The following BCAR3 variants were observed in gnomAD, a reference collection of about 807,000 sequenced individuals.
BCAR3 encodes BCAR3 adaptor protein, NSP family member, also known as breast cancer anti-estrogen resistance protein 3.
In BCAR3, 37 loss-of-function variants were observed where a neutral mutation model predicts 80.1. That is an observed-to-expected ratio of 0.46 (90% CI 0.36 to 0.61). The LOEUF (loss-of-function observed/expected upper bound fraction) is 0.61, where lower values mean the gene tolerates loss of function less well. BCAR3 is among the 20% of genes least tolerant of loss of function. The pLI is 0.00. For synonymous variants in BCAR3, 389 were observed against 418.9 expected, an observed-to-expected ratio of 0.93 and a Z score of 0.87; for missense variants, 978 against 1,068.2, an observed-to-expected ratio of 0.92 and a Z score of 1.18.
intron 3 of BCAR3, among the ~76,000 whole-genome samples, chr1:93,691,199 G>A (rs1045122733): frequency 6.6e-6 from 1 of 152,192 alleles, no homozygotes; most frequent in Non-Finnish European, 1.5e-5. Context: ...CCCACTGCCT[G>A]AGCCAGTGTG....
chr1:93,732,363 C>T (rs1363801859), intron 2 of BCAR3, among the ~76,000 whole-genome samples: 1 of 152,090 alleles, frequency 6.6e-6, no homozygotes, highest in Non-Finnish European at 1.5e-5. Context: ...GCCTGTAATC[C>T]CAGCACTTTG....
intron 2 of BCAR3, among the ~76,000 whole-genome samples, chr1:93,806,855 T>C (rs942949970): frequency 2.6e-5 from 4 of 152,174 alleles, no homozygotes; most frequent in African/African-American, 9.6e-5. Context: ...TGGCGGCTCA[T>C]ACCTGTAATT....
At chr1:93,757,494 A>G (rs1651786768) in intron 2 of BCAR3, among the ~76,000 whole-genome samples, 1 of 152,216 alleles carries the variant, frequency 6.6e-6, no homozygotes, top group South Asian at 2.1e-4. Context: ...GAGTAAGATC[A>G]TTTTGCAATA....
At chr1:93,575,872 G>C (rs542087112) in intron 8 of BCAR3, 142 bp downstream of exon 8, 183 of 630,128 alleles carry the variant, frequency 2.9e-4, no homozygotes, top group Middle Eastern at 4.3e-4. Context: ...CTTCTGGGAA[G>C]AGTCGCTGTA....
At position 93,567,398 on chromosome 1, in the gene BCAR3, G is replaced by T; in HGVS notation, c.2180C>A (p.Thr727Asn). 1.2e-6 allele frequency: 2 copies of T among 1,614,144 alleles called. No homozygotes were observed. Among genetic ancestry groups the T allele is most frequent in the South Asian group, 1.1e-5 (1 of 91,080 alleles). The change falls in exon 11 of 12, where the codon ACC becomes AAC. Residue 727 changes from threonine (T) to asparagine (N), a missense_variant. Coordinates refer to ENST00000260502, the MANE Select transcript of BCAR3 (RefSeq NM_003567.4). ...CTGGTCGTTTTTTTCCCACATGTCG[G>T]TTCCTTCAAAAGTCACAGCCTGGCG... ...MERQAVTFEG[T>N]DMWEKNDQSC...
chr1:93,633,293 T>A (rs1675682229), intron 3 of BCAR3, among the ~76,000 whole-genome samples: 2 of 152,112 alleles, frequency 1.3e-5, no homozygotes, highest in African/African-American at 4.8e-5. Flanking sequence ...ACCATTTACA[T>A]CCTGTTAGAA....
intron 1 of BCAR3, chr1:93,681,251 G>A (rs1648746394): frequency 6.6e-6 from 1 of 152,186 alleles, no homozygotes; most frequent in Non-Finnish European, 1.5e-5. Context: ...ACGGGCAGGG[G>A]GTCGGGCGAG....
intron 9 of BCAR3, among the ~76,000 whole-genome samples, chr1:93,569,141 A>G (rs968893233): frequency 7.2e-5 from 11 of 152,248 alleles, no homozygotes; most frequent in African/African-American, 2.4e-4. Context: ...AGTTTTCTAC[A>G]TGAAACAAGG....
At chr1:93,765,551 G>A (rs9651128) in intron 2 of BCAR3, among the ~76,000 whole-genome samples, 34,266 of 151,994 alleles carry the variant, frequency 0.23, 4,816 homozygotes, top group Middle Eastern at 0.31. Flanking sequence ...TGAAACCATC[G>A]ACACCATTCA....
chr1:93,584,148 A>G (rs376871804), intron 5 of BCAR3, 27 bp from the exon 6 acceptor site: 1 of 1,594,808 alleles, frequency 6.3e-7, no homozygotes, highest in Non-Finnish European at 8.6e-7. Flanking sequence ...ATAGGATGGA[A>G]ATGTGTTACT....
chr1:93,836,856 G>C (rs1654786856), intron 2 of BCAR3, among the ~76,000 whole-genome samples: 1 of 151,858 alleles, frequency 6.6e-6, no homozygotes, highest in South Asian at 2.1e-4. Flanking sequence ...CCTTCTCCTG[G>C]CTCAGAAGCT....
chr1:93,582,236 C>T, intron 7 of BCAR3, 65 bp downstream of exon 7: 2 of 1,546,326 alleles, frequency 1.3e-6, no homozygotes, highest in South Asian at 1.2e-5. Flanking sequence ...CAGAGGAGCA[C>T]CGGGACCCCT....
chr1:93,636,452 C>G (rs1464069217), intron 3 of BCAR3, among the ~76,000 whole-genome samples: 1 of 152,118 alleles, frequency 6.6e-6, no homozygotes, highest in African/African-American at 2.4e-5. Flanking sequence ...GACACTTCCT[C>G]ACTGCGGTAG....
At chr1:93,784,943 T>C (rs1428873628) in intron 2 of BCAR3, among the ~76,000 whole-genome samples, 1 of 152,152 alleles carries the variant, frequency 6.6e-6, no homozygotes, top group Non-Finnish European at 1.5e-5. Context: ...AAGGATCCAA[T>C]GTTGGTCAGG....
At chr1:93,620,335 G>T (rs1675269793) in intron 3 of BCAR3, among the ~76,000 whole-genome samples, 1 of 152,192 alleles carries the variant, frequency 6.6e-6, no homozygotes, top group Non-Finnish European at 1.5e-5. Context: ...AATCACACTT[G>T]CCCAGATGTC....
intron 2 of BCAR3, among the ~76,000 whole-genome samples, chr1:93,664,763 G>C (rs766379340): frequency 2.6e-5 from 4 of 152,162 alleles, no homozygotes; most frequent in African/African-American, 9.7e-5. Flanking sequence ...AAGAAAAACC[G>C]TATCAAGGCC....
At chr1:93,660,053 C>CGTGTGTGTGT (rs76729025) in intron 2 of BCAR3, among the ~76,000 whole-genome samples, 153 of 147,328 alleles carry the variant, frequency 1.0e-3, no homozygotes, top group East Asian at 4.3e-3. Flanking sequence ...AATAAATGAA[C>CGTGTGTGTGT]GTGTGTGTGT....
intron 3 of BCAR3, among the ~76,000 whole-genome samples, chr1:93,687,339 G>T (rs1185608547): frequency 6.6e-6 from 1 of 151,702 alleles, no homozygotes; most frequent in Non-Finnish European, 1.5e-5. Flanking sequence ...ATGGAGTCTC[G>T]CTCTGTCACC....
chr1:93,719,541 A>G (rs941581665), intron 2 of BCAR3, among the ~76,000 whole-genome samples: 1 of 151,448 alleles, frequency 6.6e-6, no homozygotes, highest in African/African-American at 2.4e-5. Context: ...ATGGGGTTTC[A>G]CTGTGTTAAC....
Sources: gnomAD v4.1 joint callset for allele counts (sites outside exome capture counted in the v4.1 genomes callset) on GRCh38, gnomAD v4.1.1 for gene constraint, MANE v1.5 for transcripts, NCBI Gene and HGNC (gene_info 2026-07-23, HGNC 2026-07-21) for gene names.